Variants in STPG2 observed in about 807,000 individuals in gnomAD.
The protein encoded by STPG2 is sperm-tail PG-rich repeat-containing protein 2.
STPG2 carries 56 observed loss-of-function variants against 54.2 expected under a neutral mutation model. The observed-to-expected ratio is 1.03, with a 90% CI of 0.83 to 1.29. The LOEUF is 1.29. Ranked by LOEUF, STPG2 falls within the 50% of genes most tolerant of loss-of-function variation. STPG2 has a pLI of 0.00. For missense variants in STPG2, 596 were observed against 544.9 expected (o/e 1.09, Z -0.93); for synonymous variants, 200 against 181.8 (o/e 1.10, Z -0.81).
At chr4:97,553,291 C>CATTTT (rs1732006729) in intron 4 of STPG2, among the ~76,000 whole-genome samples, 1 of 152,026 alleles carries the variant, frequency 6.6e-6, no homozygotes, top group African/African-American at 2.4e-5. Context: ...ATATCATGGC[C>CATTTT]ATTTTATTTT....
intron 8 of STPG2, among the ~76,000 whole-genome samples, chr4:97,923,202 T>C (rs1732178359): frequency 6.6e-6 from 1 of 152,218 alleles, no homozygotes; most frequent in South Asian, 2.1e-4. Flanking sequence ...AGCCCCTTTC[T>C]GGGATGGCCC....
Position 97,739,301 on chromosome 4 carries a change from G to T in STPG2, c.1205-26487C>A, listed in dbSNP as rs545044643. Among the ~76,000 whole-genome samples, 1,301 of 152,194 alleles carry T rather than the reference G, an allele frequency of 8.5e-3. 17 individuals are homozygous for T. The highest frequency in any genetic ancestry group is 0.03 in the African/African-American group (1,240 of 41,530). ...TGACACCCTAACATCACAATTAAAAGAACTAGAAAAGCAAGAGCAAACACA... is the reference window on the plus strand; with the variant it reads ...TGACACCCTAACATCACAATTAAAATAACTAGAAAAGCAAGAGCAAACACA... On this transcript the variant is annotated intron_variant, in intron 9 of 10. Transcript: ENST00000295268.
chr4:97,786,254 A>T lies in STPG2; in HGVS notation c.1204+54519T>A, dbSNP rs535087429. On this transcript the variant is annotated intron_variant, in intron 9 of 10. Transcript: ENST00000295268. ...TCAAATTGCTTTGAATTTAGAATAG[A>T]ATTTTCATTTTAATAATATTATGCT... Among the ~76,000 whole-genome samples the T allele has an allele frequency of 5.9e-5, 9 of 151,654 alleles. No homozygotes were observed. The South Asian group carries it at 1.5e-3, about 25-fold the overall frequency.
chr4:97,917,236 C>G (rs536891568), intron 8 of STPG2: 1 of 152,474 alleles, frequency 6.6e-6, no homozygotes, highest in South Asian at 2.1e-4. Flanking sequence ...TGGACATCAA[C>G]TGTGACCTCG....
chr4:97,693,882 A>G (rs1252662680), intron 10 of STPG2, among the ~76,000 whole-genome samples: 1 of 152,234 alleles, frequency 6.6e-6, no homozygotes, highest in Non-Finnish European at 1.5e-5. Flanking sequence ...CCATGCAAAT[A>G]CATGGAAATT....
At chr4:97,973,504 G>A (rs984602681) in intron 6 of STPG2, among the ~76,000 whole-genome samples, 1 of 152,202 alleles carries the variant, frequency 6.6e-6, no homozygotes, top group Non-Finnish European at 1.5e-5. Flanking sequence ...AATTCAAGCT[G>A]GCTGCAGAAA....
chr4:97,886,893 G>A (rs938018846), intron 8 of STPG2, among the ~76,000 whole-genome samples: 17 of 152,162 alleles, frequency 1.1e-4, no homozygotes, highest in African/African-American at 4.1e-4. Context: ...AAGTTATAAT[G>A]AGATAAGATT....
chr4:97,970,599 C>A (rs549448159), intron 7 of STPG2, among the ~76,000 whole-genome samples: 1 of 152,152 alleles, frequency 6.6e-6, no homozygotes, highest in East Asian at 1.9e-4. Flanking sequence ...GGAAAACTGG[C>A]TAGCCATATG....
intron 10 of STPG2, among the ~76,000 whole-genome samples, chr4:97,627,183 T>TA (rs1051192195): frequency 2.6e-5 from 4 of 152,062 alleles, no homozygotes; most frequent in Non-Finnish European, 5.9e-5. Flanking sequence ...AAGAAAGTTT[T>TA]AAAAAACAGA....
intron 9 of STPG2, among the ~76,000 whole-genome samples, chr4:97,716,652 G>A (rs948917316): frequency 4.1e-5 from 6 of 144,872 alleles, no homozygotes; most frequent in Non-Finnish European, 6.0e-5. Context: ...TGAACAATGA[G>A]AACACATGGA....
chr4:97,954,029 G>A (rs783954), intron 7 of STPG2, among the ~76,000 whole-genome samples: 134,577 of 152,270 alleles, frequency 0.88, 59,877 homozygotes, highest in African/African-American at 0.98. Context: ...AAATTATTAC[G>A]TTAAAAATTT....
intron 8 of STPG2, among the ~76,000 whole-genome samples, chr4:97,913,624 C>T (rs1267595329): frequency 6.6e-6 from 1 of 151,974 alleles, no homozygotes; most frequent in African/African-American, 2.4e-5. Context: ...GCAATATTCC[C>T]AAGGGTCATC....
At chr4:97,694,931 C>G (rs1181383930) in intron 10 of STPG2, among the ~76,000 whole-genome samples, 1 of 147,144 alleles carries the variant, frequency 6.8e-6, no homozygotes, top group Non-Finnish European at 1.5e-5. Context: ...TAGTACCAAT[C>G]TTATTGACAC....
chr4:97,930,965 T>C (rs943852941), intron 8 of STPG2, among the ~76,000 whole-genome samples: 2 of 152,182 alleles, frequency 1.3e-5, no homozygotes, highest in South Asian at 4.1e-4. Flanking sequence ...TGAGTTCATT[T>C]GTGATTTGGC....
chr4:97,757,844 G>T (rs963808143), intron 9 of STPG2, among the ~76,000 whole-genome samples: 37 of 152,098 alleles, frequency 2.4e-4, no homozygotes, highest in Admixed American at 1.7e-3. Context: ...TGTATCATTG[G>T]TCCTATACTA....
intron 9 of STPG2, among the ~76,000 whole-genome samples, chr4:97,827,193 GT>G (rs1728285064): frequency 6.8e-6 from 1 of 146,782 alleles, no homozygotes; most frequent in African/African-American, 2.5e-5. Flanking sequence ...CTGATCCTTT[GT>G]TTTGTTTTTC....
intron 4 of STPG2, among the ~76,000 whole-genome samples, chr4:97,507,854 C>T (rs1391640479): frequency 1.3e-5 from 2 of 152,026 alleles, no homozygotes; most frequent in Non-Finnish European, 2.9e-5. Context: ...AAAGTGTTTG[C>T]CAATCAGGAA....
At chr4:97,738,108 A>T (rs1158958814) in intron 9 of STPG2, among the ~76,000 whole-genome samples, 1 of 152,202 alleles carries the variant, frequency 6.6e-6, no homozygotes, top group Non-Finnish European at 1.5e-5. Flanking sequence ...ATCCAGCCAA[A>T]CTAAACTTCA....
chr4:97,627,167 GTTATAAAGAAAGT>G, intron 10 of STPG2, among the ~76,000 whole-genome samples: 8 of 151,886 alleles, frequency 5.3e-5, no homozygotes, highest in Admixed American at 2.6e-4. Context: ...TCTTTATTAA[GTTATAAAGAAAGT>G]TTTAAAAAAC....
Sources: allele counts gnomAD v4.1 joint callset (sites outside exome capture counted in the v4.1 genomes callset), GRCh38; gene constraint gnomAD v4.1.1; transcripts MANE v1.5; gene names NCBI Gene and HGNC (gene_info 2026-07-23, HGNC 2026-07-21).